USP47: variants seen among roughly 807,000 people sequenced by gnomAD.
USP47 encodes ubiquitin carboxyl-terminal hydrolase 47.
In USP47, 35 loss-of-function variants were observed where a neutral mutation model predicts 165.1. The observed-to-expected ratio is 0.21, with a 90% confidence interval of 0.16 to 0.28. The LOEUF is 0.28. Among genes scored for constraint, USP47 ranks in the 10% least tolerant of loss-of-function variants. The pLI is 1.00. For synonymous variants in USP47, 531 were observed against 544.5 expected, an observed-to-expected ratio of 0.98 and a Z score of 0.35; for missense variants, 1,277 against 1,607.4, an observed-to-expected ratio of 0.79 and a Z score of 3.52.
chr11:11,929,275 T>C (rs1287869350), intron 11 of USP47, among the ~76,000 whole-genome samples, 159 bp from the exon 12 acceptor site: 1 of 152,146 alleles, frequency 6.6e-6, no homozygotes, highest in Non-Finnish European at 1.5e-5. Flanking sequence ...AGTTGTTTGA[T>C]AACTTGCCAT....
chr11:11,938,183 A>G, intron 17 of USP47, 74 bp from the exon 18 acceptor site: 1 of 1,273,900 alleles, frequency 7.8e-7, no homozygotes, highest in South Asian at 1.2e-5. Flanking sequence ...GAAACACATT[A>G]AGAATGCATT....
intron 14 of USP47, among the ~76,000 whole-genome samples, chr11:11,932,077 A>G (rs1014862951): frequency 3.9e-5 from 6 of 152,180 alleles, no homozygotes; most frequent in African/African-American, 7.2e-5. Flanking sequence ...TGATGCTAGC[A>G]TCTGCCCAGC....
At chr11:11,914,654 A>T (rs1435849096) in intron 8 of USP47, among the ~76,000 whole-genome samples, 1 of 152,198 alleles carries the variant, frequency 6.6e-6, no homozygotes, top group Non-Finnish European at 1.5e-5. Flanking sequence ...GAATATATAA[A>T]GTACTCTCAA....
intron 1 of USP47, among the ~76,000 whole-genome samples, chr11:11,855,221 T>C (rs1298503542): frequency 6.6e-6 from 1 of 152,258 alleles, no homozygotes; most frequent in Non-Finnish European, 1.5e-5. Context: ...TAGGTGGTTG[T>C]CAATTCACTA....
intron 4 of USP47, among the ~76,000 whole-genome samples, chr11:11,895,362 A>G (rs1383587994): frequency 6.6e-6 from 1 of 152,154 alleles, no homozygotes; most frequent in East Asian, 1.9e-4. Context: ...GAGTTACTCT[A>G]TAAGCATCCA....
At chr11:11,933,776 G>A (rs953604738) in intron 15 of USP47, 55 bp from the exon 16 acceptor site, 14 of 1,230,568 alleles carry the variant, frequency 1.1e-5, no homozygotes, top group South Asian at 3.8e-5. Context: ...TGCTATCTAC[G>A]GAAGAATTGA....
rs1564898560 is a variant in USP47, at chr11:11,956,167, CAA to C, written c.4061_4062del (p.Gln1354ArgfsTer7). On this transcript the variant is annotated frameshift_variant, in exon 28 of 28. Coordinates refer to ENST00000527733, the MANE Select transcript of USP47 (RefSeq NM_001282659.2). LOFTEE classifies it high-confidence loss of function. Reference sequence around the variant, plus strand: ...TGGAGCACCAAATAAAGATCTGACTCAAGACTGACTCTGATAGTGTAGCATTT... The same window carrying C: ...TGGAGCACCAAATAAAGATCTGACTCGACTGACTCTGATAGTGTAGCATTT... The part of the protein sequence containing the change: ...LDGAPNKDLT[Q>X]D The C allele has an allele frequency of 1.9e-6, 3 of 1,613,892 alleles. No individual in the cohort carries two copies. The highest frequency in any genetic ancestry group is 2.7e-5 in the African/African-American group (2 of 74,922).
rs1362476597 is a variant in USP47, at chr11:11,842,172, G to A, written c.-14G>A. On this transcript the variant is annotated 5_prime_UTR_variant, in exon 1 of 28. Coordinates refer to ENST00000527733, the MANE Select transcript of USP47 (RefSeq NM_001282659.2). The stretch of plus-strand genomic sequence containing the variant: ...CTCCCCCGGCAGGGCGGAGAGGAGC[G>A]GCCGGAGTCAGCGATGGTGCCCGGC... 5 of 1,552,428 alleles carry A rather than the reference G, an allele frequency of 3.2e-6. No homozygotes were observed. Among genetic ancestry groups the A allele is most frequent in the Non-Finnish European group, 4.4e-6 (5 of 1,147,172 alleles).
At chr11:11,954,573 C>T (rs762706308) in intron 25 of USP47, among the ~76,000 whole-genome samples, 1 of 152,172 alleles carries the variant, frequency 6.6e-6, no homozygotes, top group Admixed American at 6.5e-5. Context: ...GTATATTGTT[C>T]GGTTATTGAA....
chr11:11,872,443 T>C (rs867877233), intron 1 of USP47, among the ~76,000 whole-genome samples: 2 of 152,194 alleles, frequency 1.3e-5, no homozygotes, highest in South Asian at 2.1e-4. Context: ...TGGAGGCAAG[T>C]TAGACTCCTA....
chr11:11,926,654 AT>A (rs1379154579), intron 11 of USP47, among the ~76,000 whole-genome samples: 6 of 150,630 alleles, frequency 4.0e-5, no homozygotes, highest in African/African-American at 1.5e-4. Flanking sequence ...TTCTCTATTT[AT>A]TTCTGCTCTA....
At chr11:11,887,994 C>G (rs1851273368) in intron 3 of USP47, among the ~76,000 whole-genome samples, 1 of 152,086 alleles carries the variant, frequency 6.6e-6, no homozygotes, top group African/African-American at 2.4e-5. Context: ...AGGCAGAAAT[C>G]AAGAAGTTCT....
chr11:11,868,616 ATGTGAACATAATTATTT>A (rs1485377253), intron 1 of USP47, among the ~76,000 whole-genome samples: 1 of 152,022 alleles, frequency 6.6e-6, no homozygotes, highest in Non-Finnish European at 1.5e-5. Flanking sequence ...ACTGGTTTTT[ATGTGAACATAATTATTT>A]CATCTGTGAT....
rs1853940401 is a variant in USP47 at position 11,922,894 on chromosome 11, AC to A, written c.1386+5del. The A allele has an allele frequency of 6.2e-7, 1 of 1,608,614 alleles. No individual in the cohort carries two copies. The highest frequency in any genetic ancestry group is 1.3e-5 in the African/African-American group (1 of 74,600). ...TCTCAAAATCTGGACTTGAAAAGGT[AC>A]CTTTTATAGTTTGCATTTTTTAGTT... On this transcript the variant is annotated splice_donor_region_variant and intron_variant, in intron 11 of 27. Coordinates refer to ENST00000527733, the MANE Select transcript of USP47 (RefSeq NM_001282659.2).
intron 5 of USP47, among the ~76,000 whole-genome samples, chr11:11,901,507 G>A (rs1037825471): frequency 6.6e-6 from 1 of 152,096 alleles, no homozygotes; most frequent in African/African-American, 2.4e-5. Flanking sequence ...CTTCAGTTGG[G>A]AATTCACTTG....
chr11:11,921,170 A>C (rs189554144), intron 10 of USP47, among the ~76,000 whole-genome samples: 1 of 151,780 alleles, frequency 6.6e-6, no homozygotes, highest in African/African-American at 2.4e-5. Context: ...ATTATGTGGA[A>C]TACTTATAAT....
chr11:11,939,697 A>G (rs1855333928), intron 18 of USP47, among the ~76,000 whole-genome samples: 1 of 152,026 alleles, frequency 6.6e-6, no homozygotes, highest in African/African-American at 2.4e-5. Context: ...AAAGAGACAC[A>G]GTAGTTTCTT....
chr11:11,949,308 T>A (rs976799581), intron 22 of USP47, among the ~76,000 whole-genome samples: 3 of 152,172 alleles, frequency 2.0e-5, no homozygotes, highest in African/African-American at 7.2e-5. Context: ...TAACATCCTA[T>A]TGTTATAACA....
chr11:11,886,330 T>C (rs1851160471), intron 3 of USP47, among the ~76,000 whole-genome samples: 2 of 152,072 alleles, frequency 1.3e-5, no homozygotes, highest in South Asian at 4.1e-4. Flanking sequence ...TAACCTAATG[T>C]AAAGAAGCTA....
Sources: allele counts gnomAD v4.1 joint callset (sites outside exome capture counted in the v4.1 genomes callset), GRCh38; gene constraint gnomAD v4.1.1; transcripts MANE v1.5; gene names NCBI Gene and HGNC (gene_info 2026-07-23, HGNC 2026-07-21).